The following SEZ6L2 variants were observed in gnomAD, a reference collection of about 807,000 sequenced individuals.
SEZ6L2 encodes seizure related 6 homolog like 2, also known as seizure 6-like protein 2.
SEZ6L2 carries 44 observed loss-of-function variants against 97.0 expected under a neutral mutation model. That is an observed-to-expected ratio of 0.45 (90% CI 0.36 to 0.58). The LOEUF (loss-of-function observed/expected upper bound fraction) is 0.58, where lower values mean the gene tolerates loss of function less well. SEZ6L2 is among the 20% of genes least tolerant of loss of function. The pLI is 0.00. For missense variants in SEZ6L2, 1,086 were observed against 1,233.3 expected (o/e 0.88, Z 1.79); for synonymous variants, 543 against 546.1 (o/e 0.99, Z 0.08).
chr16:29,882,316 C>T (rs2068047079), intron 8 of SEZ6L2, among the ~76,000 whole-genome samples: 1 of 151,928 alleles, frequency 6.6e-6, no homozygotes, highest in Non-Finnish European at 1.5e-5. Flanking sequence ...GTGGCTCACA[C>T]CTGTAATCCC....
chr16:29,880,160 C>A, intron 8 of SEZ6L2, 96 bp from the exon 9 acceptor site: 2 of 1,128,834 alleles, frequency 1.8e-6, no homozygotes, highest in Non-Finnish European at 2.5e-6. Context: ...TCTTTGGCCA[C>A]TCACTGGGCT....
In SEZ6L2 at chr16:29,876,921, G is replaced by T; in HGVS notation, c.1939C>A (p.Leu647Met). The change falls in exon 12 of 18, where the codon CTG (leucine) becomes ATG (methionine). Residue 647 changes from leucine to methionine, a missense_variant. Leu to Met is a conservative substitution (Grantham distance 15, BLOSUM62 2). Coordinates refer to ENST00000617533, the MANE Select transcript of SEZ6L2 (RefSeq NM_001243332.2). This position sits in a 1 kb window ranked among gnomAD's most constrained non-coding sequence, Gnocchi z 6.5. ...CTCCAGCCCCACTCCGGAGGTGGCAGCTCGGGGCACGTGTCGTTCCTCGGG... is the reference window on the plus strand; with the variant it reads ...CTCCAGCCCCACTCCGGAGGTGGCATCTCGGGGCACGTGTCGTTCCTCGGG... The part of the protein sequence containing the change: ...EVPRNDTCPE[L>M]PPPEWGWRTA... The T allele has an allele frequency of 6.2e-7, 1 of 1,610,796 alleles. No individual in the cohort carries two copies. Among genetic ancestry groups the T allele is most frequent in the Non-Finnish European group, 8.5e-7 (1 of 1,177,872 alleles).
chr16:29,877,481 G>A lies in SEZ6L2; in HGVS notation c.1713-14C>T, dbSNP rs368020446. The A allele has an allele frequency of 3.0e-5, 47 of 1,567,162 alleles. No individual in the cohort carries two copies. Among genetic ancestry groups the A allele is most frequent in the Non-Finnish European group, 4.1e-5 (47 of 1,155,448 alleles). On this transcript the variant is annotated splice_polypyrimidine_tract_variant and intron_variant, in intron 10 of 17. Coordinates refer to ENST00000617533, the MANE Select transcript of SEZ6L2 (RefSeq NM_001243332.2). Reference sequence around the variant, plus strand: ...CGCACATTCAATCTGCAGGGGGTGAGACCAGGCAATGGGGCGGGGCTGCGA... The same window carrying A: ...CGCACATTCAATCTGCAGGGGGTGAAACCAGGCAATGGGGCGGGGCTGCGA...
At position 29,871,411 on chromosome 16, in the gene SEZ6L2, T is replaced by C; in HGVS notation, c.*288A>G. 1.8e-6 allele frequency: 1 copy of C among 542,984 alleles called. No homozygotes were observed. The highest frequency in any genetic ancestry group is 2.1e-5 in the South Asian group (1 of 47,812). The allele number at this position is 542,984 out of a possible 1,614,324, so 33.6% of individuals were successfully genotyped here. Reference sequence around the variant, plus strand: ...GAGGGGTGCCCTGGGCAGGAGGGGCTGCAAGATTTGCAGGGAGGCAGAGTT... The same window carrying C: ...GAGGGGTGCCCTGGGCAGGAGGGGCCGCAAGATTTGCAGGGAGGCAGAGTT... On this transcript the variant is annotated 3_prime_UTR_variant, in exon 18 of 18. Transcript: ENST00000617533.
At chr16:29,888,513 C>T (rs750385431) in intron 6 of SEZ6L2, 27 bp downstream of exon 6, 10 of 1,607,100 alleles carry the variant, frequency 6.2e-6, no homozygotes, top group Non-Finnish European at 8.5e-6. Flanking sequence ...AGAACAGATG[C>T]CCCACCCACT....
In SEZ6L2 at chr16:29,899,075, CT is replaced by C; in HGVS notation, c.-57del. On this transcript the variant is annotated 5_prime_UTR_variant, in exon 1 of 18. Transcript: ENST00000617533. ...CCTCTCTAAGTAATCTGGCTGCCAC[CT>C]TTCCTCCGTCTCCGTTTATCTTTCC... 8.4e-7 allele frequency: 1 copy of C among 1,197,246 alleles called. No homozygotes were observed. The highest frequency in any genetic ancestry group is 1.2e-6 in the Non-Finnish European group (1 of 834,340). 74.2% of individuals were successfully genotyped at this position (1,197,246 alleles called of 1,614,324 possible). A position where few individuals can be genotyped will look rare whatever the true frequency, so the allele number is the denominator to read the frequency against.
At chr16:29,889,449 A>T (rs1486909113) in intron 5 of SEZ6L2, among the ~76,000 whole-genome samples, 4 of 151,746 alleles carry the variant, frequency 2.6e-5, no homozygotes, top group Admixed American at 6.6e-5. Context: ...CAAAAAAAAA[A>T]AGATTATGTG....
At chr16:29,893,365 G>A (rs1233680581) in intron 5 of SEZ6L2, among the ~76,000 whole-genome samples, 1 of 151,614 alleles carries the variant, frequency 6.6e-6, no homozygotes, top group African/African-American at 2.4e-5. Context: ...CAAATTAGGA[G>A]GCCTGGCGTG....
Position 29,885,759 on chromosome 16 carries a change from A to G in SEZ6L2, c.1209-10T>C, listed in dbSNP as rs1168632277. On this transcript the variant is annotated splice_polypyrimidine_tract_variant and intron_variant, in intron 7 of 17. Coordinates refer to ENST00000617533, the MANE Select transcript of SEZ6L2 (RefSeq NM_001243332.2). ...TGAGCGCACCATCAGCCTGGGATGG[A>G]CAGAAACGTGACCAGGAGCTCAATC... 1 of 1,591,132 alleles carries G rather than the reference A, an allele frequency of 6.3e-7. No homozygotes were observed. The highest frequency in any genetic ancestry group is 1.7e-5 in the Admixed American group (1 of 58,986).
Position 29,876,736 on chromosome 16 carries a change from C to G in SEZ6L2, c.2104+20G>C, listed in dbSNP as rs1030934969. On this transcript the variant is annotated intron_variant, in intron 12 of 17. Coordinates refer to ENST00000617533, the MANE Select transcript of SEZ6L2 (RefSeq NM_001243332.2). The surrounding 1 kb of genome is among the most constrained non-coding windows in gnomAD (Gnocchi z 6.5). ...CAGGGAAGGGGCGGGGCCGAGGGGA[C>G]GCGGGCGGGGCCGGCTCACTCTTTT... The G allele has an allele frequency of 6.6e-7, 1 of 1,515,978 alleles. No homozygotes were observed. 93.9% of individuals were successfully genotyped at this position (1,515,978 alleles called of 1,614,324 possible). A position where few individuals can be genotyped will look rare whatever the true frequency, so the allele number is the denominator to read the frequency against.
rs772879677 is a variant in SEZ6L2 at position 29,888,532 on chromosome 16, AG to A, written c.1039+7del. 1.9e-6 allele frequency: 3 copies of A among 1,612,024 alleles called. No homozygotes were observed. The Admixed American group carries it at 5.0e-5, about 27-fold the overall frequency. Reference sequence around the variant, plus strand: ...CAGATGCCCCACCCACTGTGGCAGGAGACTCACCCATGCAGCTGGGGGTTTC... The same window carrying A: ...CAGATGCCCCACCCACTGTGGCAGGAACTCACCCATGCAGCTGGGGGTTTC... On this transcript the variant is annotated splice_region_variant and intron_variant, in intron 6 of 17. Transcript: ENST00000617533.
intron 5 of SEZ6L2, among the ~76,000 whole-genome samples, chr16:29,890,405 G>A (rs1007434793): frequency 2.0e-5 from 3 of 152,086 alleles, no homozygotes; most frequent in African/African-American, 7.2e-5. Context: ...TTTGGGAATG[G>A]CTGCCCATGC....
chr16:29,877,360 G>A lies in SEZ6L2; in HGVS notation c.1820C>T (p.Ser607Phe), dbSNP rs1302043978. Residue 607 changes from serine (S) to phenylalanine (F), a missense_variant, in exon 11 of 18, where the codon TCC becomes TTC. This residue lies in a region of SEZ6L2 where 310 missense variants were observed against 438.6 expected (regional missense o/e 0.71). Transcript: ENST00000617533. ...RGPQPRRRLL[S>F]SGPDLTLQFQ... ...CTGCAGTGTGAGGTCGGGCCCAGAG[G>A]AGAGAAGGCGGCGGCGCGGCTGAGG... 6.2e-7 allele frequency: 1 copy of A among 1,612,938 alleles called. No homozygotes were observed. Among genetic ancestry groups the A allele is most frequent in the Non-Finnish European group, 8.5e-7 (1 of 1,179,652 alleles).
intron 3 of SEZ6L2, 110 bp downstream of exon 3, chr16:29,896,712 C>T: frequency 1.2e-6 from 1 of 843,954 alleles, no homozygotes; most frequent in East Asian, 2.5e-5. Flanking sequence ...TTATTATTCT[C>T]CCATCTGTAC....
rs2068363212 is a variant in SEZ6L2, at chr16:29,895,427, G to A, written c.685C>T (p.Leu229Phe). The A allele has an allele frequency of 6.2e-7, 1 of 1,614,140 alleles. No individual in the cohort carries two copies. Among genetic ancestry groups the A allele is most frequent in the South Asian group, 1.1e-5 (1 of 91,088 alleles). ...GATCCCCCACCAGCCAGCACCAGGA[G>A]CTCCTCTTCCTGTGACAGGTTCAGC... ...QTLNLSQEEE[L>F]LVLAGGGSPG... The change falls in exon 5 of 18, where the codon CTC becomes TTC. Residue 229 changes from leucine (L) to phenylalanine (F), a missense_variant. Coordinates refer to ENST00000617533, the MANE Select transcript of SEZ6L2 (RefSeq NM_001243332.2).
chr16:29,877,428 G>A lies in SEZ6L2; in HGVS notation c.1752C>T (p.Asp584=). 1.2e-6 allele frequency: 2 copies of A among 1,609,172 alleles called. No individual in the cohort carries two copies. Among genetic ancestry groups the A allele is most frequent in the Non-Finnish European group, 1.7e-6 (2 of 1,177,746 alleles). Residue 584 remains aspartate (D), a synonymous_variant, in exon 11 of 18, where the codon GAC becomes GAT. Coordinates refer to ENST00000617533, the MANE Select transcript of SEZ6L2 (RefSeq NM_001243332.2). ...VREGDMLTLF[D]GDGPSARVLA... is the part of the protein sequence containing the mutation. ...AGACTCGGGCGCTGGGACCGTCCCC[G>A]TCGAACAGCGTCAGCATGTCCCCTT... is the stretch of plus-strand genomic sequence containing the variant.
chr16:29,880,138 G>T, intron 8 of SEZ6L2, 74 bp from the exon 9 acceptor site: 1 of 1,393,230 alleles, frequency 7.2e-7, no homozygotes, highest in Non-Finnish European at 9.8e-7. Flanking sequence ...GATGTGGGCT[G>T]AATTGGGGTG....
At chr16:29,879,793 G>A in intron 9 of SEZ6L2, 71 bp downstream of exon 9, 3 of 1,357,484 alleles carry the variant, frequency 2.2e-6, no homozygotes, top group Non-Finnish European at 3.0e-6. Flanking sequence ...CTTTCTGAAC[G>A]GCCTTGCTGG....
At chr16:29,875,569 C>G (rs912383314) in intron 12 of SEZ6L2, among the ~76,000 whole-genome samples, 3 of 152,144 alleles carry the variant, frequency 2.0e-5, no homozygotes, top group African/African-American at 7.2e-5. Flanking sequence ...AACTACAGCC[C>G]CATGTCCTTG....
Sources: gnomAD v4.1 joint callset for allele counts (sites outside exome capture counted in the v4.1 genomes callset) on GRCh38, gnomAD v4.1.1 for gene constraint, gnomAD v4.1.1 regional missense constraint, Gnocchi (gnomAD v3.1) non-coding constraint, MANE v1.5 for transcripts, NCBI Gene and HGNC (gene_info 2026-07-23, HGNC 2026-07-21) for gene names.